The following CFAP47 variants were observed in gnomAD, a reference collection of about 807,000 sequenced individuals.
CFAP47 encodes the protein cilia and flagella associated protein 47.
A neutral mutation model predicts 148.1 loss-of-function variants in CFAP47; 29 were observed. The observed-to-expected ratio is 0.20, with a 90% CI of 0.15 to 0.27. The LOEUF is 0.27. CFAP47 is among the 10% of genes least tolerant of loss of function. The pLI is 1.00. For missense variants in CFAP47, 1,872 were observed against 1,697.5 expected (o/e 1.10, Z -1.81); for synonymous variants, 664 against 577.3 (o/e 1.15, Z -2.15).
At chrX:36,017,291 C>G (rs953348144) in intron 22 of CFAP47, among the ~76,000 whole-genome samples, 1 of 111,809 alleles carries the variant, frequency 8.9e-6, no homozygotes, top group Admixed American at 9.5e-5. Flanking sequence ...CAAATACACC[C>G]TTGTCAGATG....
chrX:36,035,075 C>A (rs746332659), intron 23 of CFAP47, among the ~76,000 whole-genome samples: 25 of 111,060 alleles, frequency 2.3e-4, no homozygotes, highest in African/African-American at 7.5e-4. Flanking sequence ...CTCTCTTACT[C>A]ATTTTTGACT....
rs746025244 is a variant in CFAP47 at position 35,920,035 on chromosome X, C to T, written c.236C>T (p.Pro79Leu). 13 of 1,190,150 alleles carry T rather than the reference C, an allele frequency of 1.1e-5. No homozygotes were observed. The highest frequency in any genetic ancestry group is 5.7e-5 in the South Asian group (3 of 53,032). Residue 79 changes from proline to leucine, a missense_variant, in exon 1 of 64, where the codon CCC becomes CTC. Physicochemically the swap from Pro to Leu is moderately conservative, Grantham distance 98 (BLOSUM62 -3). Transcript: ENST00000378653. Reference protein sequence around the residue: ...RWNQKIRFKEPVKPQFKLMLT... With the variant: ...RWNQKIRFKELVKPQFKLMLT... ...AACCAGAAAATCCGATTTAAGGAGC[C>T]CGTCAAGCCACAGGTGACACACTAA...
chrX:36,232,483 G>A (rs1323884754), intron 46 of CFAP47, among the ~76,000 whole-genome samples: 60 of 111,149 alleles, frequency 5.4e-4, no homozygotes, highest in South Asian at 7.6e-4. Context: ...TTTTTATTGC[G>A]TCTATTTGAT....
At chrX:36,333,206 C>T (rs1024518146) in intron 57 of CFAP47, among the ~76,000 whole-genome samples, 1 of 106,594 alleles carries the variant, frequency 9.4e-6, no homozygotes, top group Non-Finnish European at 1.9e-5. Flanking sequence ...TCCCAAAGTA[C>T]AGTATACATC....
intron 15 of CFAP47, among the ~76,000 whole-genome samples, chrX:35,986,739 G>T (rs1936720724): frequency 9.0e-6 from 1 of 111,121 alleles, no homozygotes; most frequent in Non-Finnish European, 1.9e-5. Flanking sequence ...TCTCATCTTC[G>T]TGGATTTATG....
chrX:36,117,073 A>G (rs1938653299), intron 33 of CFAP47, among the ~76,000 whole-genome samples: 1 of 112,160 alleles, frequency 8.9e-6, no homozygotes, highest in South Asian at 3.6e-4. Context: ...TGTTTTAGTA[A>G]ATCACAAGAC....
At chrX:36,003,346 A>G (rs1936937979) in intron 21 of CFAP47, among the ~76,000 whole-genome samples, 1 of 108,194 alleles carries the variant, frequency 9.2e-6, no homozygotes, top group Non-Finnish European at 1.9e-5. Context: ...ACTTTGATGA[A>G]GGCTTTTGCA....
At position 36,119,328 on chromosome X, in the gene CFAP47, T is replaced by A. The variant is rs762219161; in HGVS notation, c.5320+14637T>A. On this transcript the variant is annotated intron_variant, in intron 33 of 63. Transcript: ENST00000378653. ...AGCATCAATTGAAATGGTATTTTTT[T>A]AATTCTTTATTCTGTTGATATGGTG... Among the ~76,000 whole-genome samples, 22 of 112,420 alleles carry A rather than the reference T, an allele frequency of 2.0e-4. No homozygotes were observed. In the South Asian group the frequency reaches 5.9e-3, roughly 30 times the overall value.
chrX:35,937,514 A>G (rs1055671586), intron 2 of CFAP47, among the ~76,000 whole-genome samples: 51 of 109,797 alleles, frequency 4.6e-4, no homozygotes, highest in African/African-American at 1.7e-3. Flanking sequence ...TGCCTCGTGT[A>G]CCATTTTCAG....
At chrX:36,331,617 T>A (rs142549307) in intron 57 of CFAP47, among the ~76,000 whole-genome samples, 1 of 111,871 alleles carries the variant, frequency 8.9e-6, no homozygotes, top group Admixed American at 9.6e-5. Context: ...CCATTATTTA[T>A]CTAGTTTTAT....
At chrX:36,138,996 G>A (rs1939094805) in intron 35 of CFAP47, among the ~76,000 whole-genome samples, 1 of 111,063 alleles carries the variant, frequency 9.0e-6, no homozygotes, top group African/African-American at 3.3e-5. Context: ...TATTTTATGA[G>A]CCTTTTGTTT....
At chrX:36,035,969 T>C in intron 24 of CFAP47, 115 bp downstream of exon 24, 1 of 255,300 alleles carries the variant, frequency 3.9e-6, no homozygotes, top group Non-Finnish European at 6.9e-6. Context: ...TTAATTTGAA[T>C]AATTATAAAT....
intron 30 of CFAP47, among the ~76,000 whole-genome samples, chrX:36,093,222 A>G (rs73470956): frequency 0.026 from 2,921 of 111,441 alleles, 96 homozygotes; most frequent in African/African-American, 0.09. Flanking sequence ...AAATGTGGGA[A>G]TGAAGATTAT....
At chrX:36,027,621 A>G (rs182520247) in intron 22 of CFAP47, among the ~76,000 whole-genome samples, 320 of 110,520 alleles carry the variant, frequency 2.9e-3, no homozygotes, top group Non-Finnish European at 3.6e-3. Context: ...TTTATCCAAC[A>G]TGTGCAGGTG....
At chrX:35,982,374 C>T (rs763538013) in intron 15 of CFAP47, among the ~76,000 whole-genome samples, 15 of 110,883 alleles carry the variant, frequency 1.4e-4, no homozygotes, top group Non-Finnish European at 2.7e-4. Flanking sequence ...TTGTCAGATA[C>T]GTAGTTTGAA....
intron 21 of CFAP47, among the ~76,000 whole-genome samples, chrX:36,003,734 CACTA>C: frequency 9.1e-6 from 1 of 109,856 alleles, no homozygotes; most frequent in South Asian, 3.9e-4. Context: ...TGCTCTCTCT[CACTA>C]CTCCTATTCA....
intron 39 of CFAP47, among the ~76,000 whole-genome samples, chrX:36,174,306 G>A (rs371857565): frequency 9.1e-6 from 1 of 109,816 alleles, no homozygotes; most frequent in Admixed American, 9.7e-5. Flanking sequence ...TTACATTTAA[G>A]GTTAATATTG....
intron 29 of CFAP47, among the ~76,000 whole-genome samples, chrX:36,076,748 C>G (rs1228118287): frequency 9.0e-6 from 1 of 111,191 alleles, no homozygotes; most frequent in Non-Finnish European, 1.9e-5. Flanking sequence ...TTAACTGGTC[C>G]CACTTGTCAC....
chrX:36,065,753 G>A lies in CFAP47; in HGVS notation c.4318+10G>A. On this transcript the variant is annotated intron_variant, in intron 27 of 63. Coordinates refer to ENST00000378653, the MANE Select transcript of CFAP47 (RefSeq NM_001304548.2). ...ATTATTTTAAAGAATGGTAAGCTAT[G>A]TATGACTTATTTATCCCTAACTCTC... The A allele has an allele frequency of 9.9e-7, 1 of 1,011,233 alleles. No individual in the cohort carries two copies. 83.3% of individuals were successfully genotyped at this position (1,011,233 alleles called of 1,213,427 possible).
Sources: gnomAD v4.1 joint callset for allele counts (sites outside exome capture counted in the v4.1 genomes callset) on GRCh38, gnomAD v4.1.1 for gene constraint, MANE v1.5 for transcripts, NCBI Gene and HGNC (gene_info 2026-07-23, HGNC 2026-07-21) for gene names.